The following FAM3B variants were observed in gnomAD, a reference collection of about 807,000 sequenced individuals.
FAM3B encodes the protein protein FAM3B.
Under a neutral mutation model 28.4 loss-of-function variants are expected in FAM3B, and 29 were observed. The observed-to-expected ratio is 1.02, with a 90% confidence interval of 0.76 to 1.39. FAM3B has a LOEUF of 1.39. Ranked by LOEUF, FAM3B falls within the 40% of genes most tolerant of loss-of-function variation. FAM3B has a pLI of 0.00. For synonymous variants in FAM3B, 91 were observed against 103.0 expected (o/e 0.88, Z 0.71); for missense variants, 266 against 293.9 (o/e 0.91, Z 0.69).
At chr21:41,306,826 G>T (rs1314697044) in intron 1 of FAM3B, among the ~76,000 whole-genome samples, 1 of 152,222 alleles carries the variant, frequency 6.6e-6, no homozygotes, top group African/African-American at 2.4e-5. Context: ...TAGTGGGGAA[G>T]TCTGGGATTT....
At chr21:41,317,520 C>T (rs1337118742) in intron 1 of FAM3B, among the ~76,000 whole-genome samples, 1 of 152,206 alleles carries the variant, frequency 6.6e-6, no homozygotes, top group Admixed American at 6.6e-5. Context: ...TTTCCTGTCA[C>T]AGACCATCTC....
intron 3 of FAM3B, among the ~76,000 whole-genome samples, chr21:41,339,071 T>G (rs1185201741): frequency 6.6e-6 from 1 of 152,250 alleles, no homozygotes; most frequent in Non-Finnish European, 1.5e-5. Context: ...AGGTGTTGTT[T>G]CTGTTTGCAG....
chr21:41,323,441 A>G (rs575146843), intron 2 of FAM3B, among the ~76,000 whole-genome samples: 2 of 152,328 alleles, frequency 1.3e-5, no homozygotes, highest in Admixed American at 6.5e-5. Context: ...AATCTTCTGT[A>G]AAGTCTTGGG....
chr21:41,345,423 G>C (rs1453194241), intron 4 of FAM3B, among the ~76,000 whole-genome samples: 1 of 152,090 alleles, frequency 6.6e-6, no homozygotes, highest in Non-Finnish European at 1.5e-5. Flanking sequence ...TGAGTTGGGT[G>C]GGGGAGGTAT....
At chr21:41,309,919 A>T (rs1204806595) in intron 1 of FAM3B, among the ~76,000 whole-genome samples, 1 of 152,188 alleles carries the variant, frequency 6.6e-6, no homozygotes, top group Non-Finnish European at 1.5e-5. Context: ...CTCTTTCAGG[A>T]GAGCTCAGTT....
At chr21:41,354,938 A>G (rs1481839426) in intron 7 of FAM3B, among the ~76,000 whole-genome samples, 1 of 152,226 alleles carries the variant, frequency 6.6e-6, no homozygotes, top group Non-Finnish European at 1.5e-5. Flanking sequence ...AAGGACCTGA[A>G]TCTAGAATAC....
intron 2 of FAM3B, among the ~76,000 whole-genome samples, chr21:41,328,058 A>C (rs1422892992): frequency 6.6e-6 from 1 of 152,210 alleles, no homozygotes; most frequent in Non-Finnish European, 1.5e-5. Context: ...ACAATTCATA[A>C]GTTTCTGACA....
intron 1 of FAM3B, among the ~76,000 whole-genome samples, chr21:41,309,811 T>C (rs888619285): frequency 6.6e-6 from 1 of 152,250 alleles, no homozygotes; most frequent in Admixed American, 6.5e-5. Flanking sequence ...CAGTGCCAGA[T>C]ACCATCACGC....
chr21:41,338,012 CTT>C (rs2088971392), intron 2 of FAM3B, among the ~76,000 whole-genome samples: 1 of 151,976 alleles, frequency 6.6e-6, no homozygotes, highest in Non-Finnish European at 1.5e-5. Context: ...AGATGGCTGT[CTT>C]TGCTCACCAG....
chr21:41,352,473 G>A (rs1039596136), intron 7 of FAM3B, among the ~76,000 whole-genome samples: 42 of 152,218 alleles, frequency 2.8e-4, no homozygotes, highest in African/African-American at 9.4e-4. Context: ...GGGGAGGGAA[G>A]GGAAGGTGCA....
chr21:41,349,728 C>G (rs572577543), intron 7 of FAM3B, among the ~76,000 whole-genome samples: 2 of 152,338 alleles, frequency 1.3e-5, no homozygotes, highest in African/African-American at 4.8e-5. Context: ...GCCACACAAC[C>G]AGACAACTTG....
chr21:41,318,019 T>G (rs938960534), intron 1 of FAM3B, among the ~76,000 whole-genome samples: 5 of 152,216 alleles, frequency 3.3e-5, no homozygotes, highest in Non-Finnish European at 5.9e-5. Context: ...CTATTATTTC[T>G]GTATTGTATA....
Position 41,326,364 on chromosome 21 carries a change from T to C in FAM3B, c.163+3298T>C, listed in dbSNP as rs2145803744. 6.6e-6 allele frequency among the ~76,000 whole-genome samples: 1 copy of C among 152,338 alleles called. No individual in the cohort carries two copies. Among genetic ancestry groups the C allele is most frequent in the Non-Finnish European group, 1.5e-5 (1 of 68,024 alleles). ...GAAAGCTACTGACTCTTTTTTTAAA[T>C]GACACATGGGTTCCCTGCCCACTCC... On this transcript the variant is annotated intron_variant, in intron 2 of 7. Coordinates refer to ENST00000357985, the MANE Select transcript of FAM3B (RefSeq NM_058186.4). This position sits in a 1 kb window ranked among gnomAD's most constrained non-coding sequence, Gnocchi z 4.0.
chr21:41,311,983 A>G (rs1434764305), upstream of FAM3B, among the ~76,000 whole-genome samples: 1 of 152,200 alleles, frequency 6.6e-6, no homozygotes, highest in East Asian at 1.9e-4. Context: ...TCTTGTGCAG[A>G]GAAACTCCTA....
intron 2 of FAM3B, among the ~76,000 whole-genome samples, chr21:41,325,489 G>A (rs958526357): frequency 2.0e-5 from 3 of 152,190 alleles, no homozygotes; most frequent in African/African-American, 7.2e-5. Context: ...ATTTATAGGA[G>A]TTAAAATGAG....
intron 2 of FAM3B, among the ~76,000 whole-genome samples, chr21:41,330,101 A>G (rs2088890767): frequency 6.6e-6 from 1 of 151,184 alleles, no homozygotes; most frequent in Non-Finnish European, 1.5e-5. Context: ...CCTAATTTGT[A>G]AACTAACCTT....
chr21:41,350,827 TTCC>T (rs2145832761), intron 7 of FAM3B, among the ~76,000 whole-genome samples: 1 of 152,358 alleles, frequency 6.6e-6, no homozygotes, highest in South Asian at 2.1e-4. Context: ...TTACCCTGTT[TTCC>T]TCCTCCTCTT....
upstream of FAM3B, among the ~76,000 whole-genome samples, chr21:41,314,620 A>G (rs1468524637): frequency 1.3e-5 from 2 of 152,240 alleles, no homozygotes; most frequent in Non-Finnish European, 2.9e-5. Flanking sequence ...TGGGCAAGGG[A>G]CTTAAGTGGA....
intron 2 of FAM3B, among the ~76,000 whole-genome samples, chr21:41,337,831 TGTG>T (rs574834701): frequency 5.1e-4 from 78 of 151,904 alleles, no homozygotes; most frequent in East Asian, 2.7e-3. Context: ...TGATACATCA[TGTG>T]GTGTGTGTGC....
Sources: allele counts gnomAD v4.1 joint callset (sites outside exome capture counted in the v4.1 genomes callset), GRCh38; gene constraint gnomAD v4.1.1; non-coding constraint Gnocchi (gnomAD v3.1); transcripts MANE v1.5; gene names NCBI Gene and HGNC (gene_info 2026-07-23, HGNC 2026-07-21).